The following VTI1A variants were observed in gnomAD, a reference collection of about 807,000 sequenced individuals.
VTI1A encodes vesicle transport through interaction with t-SNAREs 1A, also known as vesicle transport through interaction with t-SNAREs homolog 1A.
Under a neutral mutation model 34.9 loss-of-function variants are expected in VTI1A, and 22 were observed. That is an observed-to-expected ratio of 0.63 (90% CI 0.45 to 0.90). The LOEUF is 0.90. Ranked by LOEUF, VTI1A falls within the 40% of genes least tolerant of loss-of-function variation. The pLI is 0.00. For missense variants in VTI1A, 268 were observed against 275.6 expected (o/e 0.97, Z 0.20); for synonymous variants, 87 against 97.3 (o/e 0.89, Z 0.62).
intron 5 of VTI1A, among the ~76,000 whole-genome samples, chr10:112,652,183 C>G (rs886759796): frequency 6.6e-6 from 1 of 152,156 alleles, no homozygotes; most frequent in African/African-American, 2.4e-5. Flanking sequence ...TAAACTTTAG[C>G]GTAGACAAGC....
At position 112,518,432 on chromosome 10, in the gene VTI1A, G is replaced by GGTGCT. The variant is rs1245679064; in HGVS notation, c.265-8651_265-8647dup. On this transcript the variant is annotated intron_variant, in intron 3 of 7. Coordinates refer to ENST00000393077, the MANE Select transcript of VTI1A (RefSeq NM_145206.4). ...GTAATGTAGAATGAAATAACTGCCA[G>GGTGCT]GTGCTGTGGCTTATACCTGTAACCC... 2.2e-4 allele frequency among the ~76,000 whole-genome samples: 33 copies of GGTGCT among 151,604 alleles called. 1 individual carries two copies. Among genetic ancestry groups the GGTGCT allele is most frequent in the Non-Finnish European group, 1.5e-5 (1 of 67,888 alleles).
At chr10:112,486,912 T>C (rs1848656043) in intron 3 of VTI1A, among the ~76,000 whole-genome samples, 1 of 152,068 alleles carries the variant, frequency 6.6e-6, no homozygotes, top group African/African-American at 2.4e-5. Flanking sequence ...TTTTTGATTT[T>C]GCCACATTTA....
intron 7 of VTI1A, among the ~76,000 whole-genome samples, chr10:112,702,072 A>G (rs1263090850): frequency 2.6e-5 from 4 of 152,318 alleles, no homozygotes; most frequent in South Asian, 2.1e-4. Context: ...TGAAAGAAGC[A>G]GGAAGCAAAG....
chr10:112,697,685 C>G (rs1261653973), intron 7 of VTI1A, among the ~76,000 whole-genome samples: 1 of 152,018 alleles, frequency 6.6e-6, no homozygotes. Flanking sequence ...AGTGAGCCAC[C>G]GCGCCCAGCC....
chr10:112,464,436 G>C (rs1847831183), intron 2 of VTI1A, 111 bp from the exon 3 acceptor site: 2 of 880,868 alleles, frequency 2.3e-6, no homozygotes, highest in Non-Finnish European at 3.5e-6. Flanking sequence ...CCTGAACCTG[G>C]TGCCTCAACT....
the VTI1A span, among the ~76,000 whole-genome samples, chr10:112,830,845 A>T: frequency 3.0e-3 from 125 of 41,982 alleles, 6 homozygotes; most frequent in African/African-American, 7.3e-3. Context: ...ATATATATAT[A>T]TATATTTTTT....
chr10:112,530,215 A>T (rs1389246437), intron 4 of VTI1A, among the ~76,000 whole-genome samples: 1 of 152,170 alleles, frequency 6.6e-6, no homozygotes, highest in Non-Finnish European at 1.5e-5. Context: ...AAAATTACCT[A>T]CTTTGTACAT....
At chr10:112,795,608 T>A (rs566498017) in intron 7 of VTI1A, among the ~76,000 whole-genome samples, 4 of 152,054 alleles carry the variant, frequency 2.6e-5, no homozygotes, top group Admixed American at 2.6e-4. Flanking sequence ...CTAATTTTTG[T>A]ATTTTTAGTA....
At chr10:112,684,421 T>TAATA (rs1848328471) in intron 7 of VTI1A, among the ~76,000 whole-genome samples, 1 of 149,756 alleles carries the variant, frequency 6.7e-6, no homozygotes, top group Non-Finnish European at 1.5e-5. Flanking sequence ...TCCTTGAAGA[T>TAATA]AATAAATGCT....
At chr10:112,529,638 T>G (rs1437015303) in intron 4 of VTI1A, among the ~76,000 whole-genome samples, 1 of 152,078 alleles carries the variant, frequency 6.6e-6, no homozygotes, top group Admixed American at 6.6e-5. Context: ...CAGAACTTCT[T>G]ATCCATGGAA....
At chr10:112,521,332 A>C (rs186159015) in intron 3 of VTI1A, among the ~76,000 whole-genome samples, 1 of 152,152 alleles carries the variant, frequency 6.6e-6, no homozygotes, top group East Asian at 1.9e-4. Context: ...GGATCTAAAT[A>C]ATACAGATTT....
chr10:112,846,672 A>G, the VTI1A span, among the ~76,000 whole-genome samples: 2 of 151,698 alleles, frequency 1.3e-5, no homozygotes, highest in Non-Finnish European at 2.9e-5. Context: ...AGGCTGAGGC[A>G]GGAAAATCGT....
intron 5 of VTI1A, among the ~76,000 whole-genome samples, chr10:112,562,737 G>C (rs1195708156): frequency 6.6e-6 from 1 of 152,022 alleles, no homozygotes; most frequent in East Asian, 1.9e-4. Context: ...AATTTGAAAA[G>C]GGGGGAAAAT....
Position 112,815,503 on chromosome 10 carries a change from C to A in VTI1A, c.*120C>A. ...CCCAGGTGACCCTCTCTCTCCCTCA[C>A]CGCCGTTGGGCTGAAGTGCAAAGAG... On this transcript the variant is annotated 3_prime_UTR_variant, in exon 8 of 8. Coordinates refer to ENST00000393077, the MANE Select transcript of VTI1A (RefSeq NM_145206.4). 1.2e-6 allele frequency: 1 copy of A among 827,916 alleles called. No homozygotes were observed. The highest frequency in any genetic ancestry group is 2.0e-6 in the Non-Finnish European group (1 of 495,310). The allele number at this position is 827,916 out of a possible 1,614,324, so 51.3% of individuals were successfully genotyped here.
At chr10:112,452,365 C>T (rs1219373985) in intron 1 of VTI1A, among the ~76,000 whole-genome samples, 1 of 152,046 alleles carries the variant, frequency 6.6e-6, no homozygotes, top group Admixed American at 6.5e-5. Flanking sequence ...CTCAGGAAAT[C>T]GAGACCATCC....
chr10:112,849,193 A>G, the VTI1A span, among the ~76,000 whole-genome samples: 1 of 152,264 alleles, frequency 6.6e-6, no homozygotes, highest in East Asian at 1.9e-4. Flanking sequence ...GAAGGAACCA[A>G]GGAAGAACAA....
chr10:112,545,987 T>TATATACGTGTATACACGTATGTGTGTGC (rs1851076078), intron 5 of VTI1A, among the ~76,000 whole-genome samples: 1 of 142,258 alleles, frequency 7.0e-6, no homozygotes, highest in Non-Finnish European at 1.5e-5. Context: ...TATGTGTGTG[T>TATATACGTGTATACACGTATGTGTGTGC]ATATACGTGT....
intron 7 of VTI1A, among the ~76,000 whole-genome samples, chr10:112,760,816 G>A (rs1461200954): frequency 1.3e-5 from 2 of 150,590 alleles, no homozygotes; most frequent in African/African-American, 4.9e-5. Context: ...TTGAACCCAG[G>A]AGGCAGAGGT....
chr10:112,602,645 T>C (rs1311398685), intron 5 of VTI1A, among the ~76,000 whole-genome samples: 1 of 152,244 alleles, frequency 6.6e-6, no homozygotes, highest in African/African-American at 2.4e-5. Context: ...GACATTGTGA[T>C]GGACTTAGAA....
Sources: allele counts gnomAD v4.1 joint callset (sites outside exome capture counted in the v4.1 genomes callset), GRCh38; gene constraint gnomAD v4.1.1; transcripts MANE v1.5; gene names NCBI Gene and HGNC (gene_info 2026-07-23, HGNC 2026-07-21).